Variants in FABP6 observed in about 807,000 individuals in gnomAD.
The protein encoded by FABP6 is gastrotropin.
FABP6 carries 13 observed loss-of-function variants against 14.9 expected under a neutral mutation model. The ratio of observed to expected loss-of-function variants is 0.87; its 90% CI spans 0.57 to 1.39. The LOEUF is 1.39. FABP6 is among the 40% of genes most tolerant of loss of function. FABP6 has a pLI of 0.00. For synonymous variants in FABP6, 75 were observed against 63.6 expected (o/e 1.18, Z -0.85); for missense variants, 161 against 167.2 (o/e 0.96, Z 0.20).
intron 1 of FABP6, among the ~76,000 whole-genome samples, chr5:160,189,535 G>A (rs1452937192): frequency 1.3e-5 from 2 of 152,036 alleles, no homozygotes; most frequent in East Asian, 3.9e-4. Flanking sequence ...GAGCCACCGC[G>A]TCAGGCCAAG....
chr5:160,237,218 G>T (rs1760536138), intron 3 of FABP6, among the ~76,000 whole-genome samples: 1 of 152,062 alleles, frequency 6.6e-6, no homozygotes, highest in Non-Finnish European at 1.5e-5. Context: ...ACTGGAAGCA[G>T]GTTTGGGCCT....
intron 2 of FABP6, among the ~76,000 whole-genome samples, chr5:160,202,106 G>A (rs1222662374): frequency 6.8e-6 from 1 of 147,348 alleles, no homozygotes; most frequent in Non-Finnish European, 1.5e-5. Context: ...TTCACCAAAT[G>A]TGCTCTTGGG....
rs557109419 is a variant in FABP6 at position 160,198,668 on chromosome 5, C to A, written c.-58-381C>A. The A allele has an allele frequency of 4.5e-5, 8 of 176,610 alleles. 1 individual carries two copies. The South Asian group carries it at 9.5e-4, about 21-fold the overall frequency. The allele number at this position is 176,610 out of a possible 1,614,324, so 10.9% of individuals were successfully genotyped here. A position where few individuals can be genotyped will look rare whatever the true frequency, so the allele number is the denominator to read the frequency against. On this transcript the variant is annotated intron_variant, in intron 1 of 6. Transcript: ENST00000393980. ...CCACCACACTGTCCTTCCTTCTATT[C>A]CTTGCCTGCACCATCCCCCTAGCTT...
rs57229719 is a variant in FABP6, at chr5:160,195,283, C to CAA, written c.-58-3739_-58-3738dup. On this transcript the variant is annotated intron_variant, in intron 1 of 6. Coordinates refer to the FABP6 transcript ENST00000393980. Reference sequence around the variant, plus strand: ...TGGGCAACAGAGCGAGACTCTGTCTCAAAAAAAAAAAAAAAAAAAAAAAAA... The same window carrying CAA: ...TGGGCAACAGAGCGAGACTCTGTCTCAAAAAAAAAAAAAAAAAAAAAAAAAAA... 1.1e-3 allele frequency among the ~76,000 whole-genome samples: 73 copies of CAA among 63,594 alleles called. 3 individuals are homozygous for CAA. Among genetic ancestry groups the CAA allele is most frequent in the African/African-American group, 2.7e-3 (48 of 17,664 alleles). The allele number at this position is 63,594 out of a possible 152,430, so 41.7% of individuals were successfully genotyped here.
At chr5:160,221,565 A>G (rs563502812) in intron 3 of FABP6, among the ~76,000 whole-genome samples, 8 of 152,174 alleles carry the variant, frequency 5.3e-5, no homozygotes, top group South Asian at 2.1e-4. Flanking sequence ...TTGCATCTCC[A>G]TTACCGTGGT....
At chr5:160,193,638 C>T (rs1444414808) in intron 1 of FABP6, among the ~76,000 whole-genome samples, 4 of 152,276 alleles carry the variant, frequency 2.6e-5, no homozygotes, top group Admixed American at 1.3e-4. Context: ...AAAGGTTCTC[C>T]AAGGCCCCAC....
intron 3 of FABP6, among the ~76,000 whole-genome samples, chr5:160,218,405 G>A (rs1445778245): frequency 2.6e-5 from 4 of 151,074 alleles, no homozygotes; most frequent in South Asian, 4.2e-4. Flanking sequence ...TGTCTCTTTC[G>A]TGTCTCATTG....
rs139081365 is a variant in FABP6 at position 160,210,746 on chromosome 5, C to G, written c.52-2990C>G. 4.6e-3 allele frequency among the ~76,000 whole-genome samples: 701 copies of G among 152,334 alleles called. 6 individuals are homozygous for G. Among genetic ancestry groups the G allele is most frequent in the African/African-American group, 0.016 (669 of 41,568 alleles). Reference sequence around the variant, plus strand: ...GCTTGCTCTGCATAATTACTTTTCTCCTGCTTATGAGCTTAGAGCAATAGT... The same window carrying G: ...GCTTGCTCTGCATAATTACTTTTCTGCTGCTTATGAGCTTAGAGCAATAGT... On this transcript the variant is annotated intron_variant, in intron 2 of 6. Coordinates refer to the FABP6 transcript ENST00000393980.
intron 2 of FABP6, among the ~76,000 whole-genome samples, chr5:160,211,502 C>T (rs1055229382): frequency 6.6e-5 from 10 of 152,278 alleles, no homozygotes; most frequent in African/African-American, 2.4e-4. Context: ...AACGAGGACA[C>T]CCCAGTACAG....
At chr5:160,236,016 GTTTTTTT>G (rs370153866) in intron 3 of FABP6, among the ~76,000 whole-genome samples, 7 of 126,868 alleles carry the variant, frequency 5.5e-5, no homozygotes, top group Non-Finnish European at 1.0e-4. Flanking sequence ...TCTCATGTCT[GTTTTTTT>G]TTTTTTTTTC....
At chr5:160,231,126 C>T (rs1443980323) in intron 1 of FABP6, among the ~76,000 whole-genome samples, 1 of 152,194 alleles carries the variant, frequency 6.6e-6, no homozygotes, top group Non-Finnish European at 1.5e-5. Context: ...TGCCAGCTGG[C>T]TCAGAGCAAC....
chr5:160,233,127 G>A (rs186107776), intron 2 of FABP6, among the ~76,000 whole-genome samples: 11 of 151,160 alleles, frequency 7.3e-5, no homozygotes, highest in South Asian at 4.2e-4. Context: ...GATTACAGGC[G>A]TGCACCACCA....
chr5:160,216,840 G>A (rs1760022533), intron 3 of FABP6, among the ~76,000 whole-genome samples: 1 of 152,112 alleles, frequency 6.6e-6, no homozygotes, highest in African/African-American at 2.4e-5. Flanking sequence ...TGGTTGTCTG[G>A]TGCTTTGGGG....
intron 3 of FABP6, 27 bp downstream of exon 3, chr5:160,234,936 G>T: frequency 1.3e-6 from 2 of 1,595,616 alleles, no homozygotes; most frequent in South Asian, 2.2e-5. Context: ...TTCCTGGGAT[G>T]ATTATTGGAT....
Position 160,238,700 on chromosome 5 carries a change from A to G in FABP6, c.*41A>G, listed in dbSNP as rs1445462038. 14 of 1,598,878 alleles carry G rather than the reference A, an allele frequency of 8.8e-6. No homozygotes were observed. Among genetic ancestry groups the G allele is most frequent in the Non-Finnish European group, 1.2e-5 (14 of 1,166,444 alleles). On this transcript the variant is annotated 3_prime_UTR_variant, in exon 4 of 4. Coordinates refer to ENST00000402432, the MANE Select transcript of FABP6 (RefSeq NM_001445.3). Reference sequence around the variant, plus strand: ...CCAGGGAGCTACAAACCCACCAATAAAACTGATATAAGGACAGACGCTGCT... The same window carrying G: ...CCAGGGAGCTACAAACCCACCAATAGAACTGATATAAGGACAGACGCTGCT...
chr5:160,205,364 A>T (rs1228554877), intron 2 of FABP6, among the ~76,000 whole-genome samples: 1 of 150,696 alleles, frequency 6.6e-6, no homozygotes, highest in Non-Finnish European at 1.5e-5. Flanking sequence ...CCCACACATT[A>T]CATATTTGCA....
At chr5:160,223,697 G>A (rs1237657727) in intron 3 of FABP6, among the ~76,000 whole-genome samples, 3 of 151,606 alleles carry the variant, frequency 2.0e-5, no homozygotes, top group Non-Finnish European at 4.4e-5. Context: ...ATAGTGCTGG[G>A]ATTACAGGCG....
chr5:160,201,804 C>T (rs941186524), intron 2 of FABP6, among the ~76,000 whole-genome samples: 3 of 152,174 alleles, frequency 2.0e-5, no homozygotes, highest in Non-Finnish European at 2.9e-5. Flanking sequence ...TACTCTATCA[C>T]TCAGGCTGGA....
intron 1 of FABP6, among the ~76,000 whole-genome samples, chr5:160,190,257 A>G (rs1342008909): frequency 2.0e-5 from 3 of 152,072 alleles, no homozygotes; most frequent in Admixed American, 6.6e-5. Context: ...TTTGAGACGG[A>G]GTTTTGCTCT....
Sources: gnomAD v4.1 joint callset for allele counts (sites outside exome capture counted in the v4.1 genomes callset) on GRCh38, gnomAD v4.1.1 for gene constraint, MANE v1.5 for transcripts, NCBI Gene and HGNC (gene_info 2026-07-23, HGNC 2026-07-21) for gene names.